UBE2E2: variants seen among roughly 807,000 people sequenced by gnomAD.
UBE2E2 encodes ubiquitin-conjugating enzyme E2 E2.
A neutral mutation model predicts 24.7 loss-of-function variants in UBE2E2; 6 were observed. That is an observed-to-expected ratio of 0.24 (90% CI 0.13 to 0.48). The LOEUF is 0.48. UBE2E2 is among the 20% of genes least tolerant of loss of function. UBE2E2 has a pLI of 0.99. For missense variants in UBE2E2, 169 were observed against 245.0 expected, an observed-to-expected ratio of 0.69 and a Z score of 2.07; for synonymous variants, 104 against 83.6, an observed-to-expected ratio of 1.24 and a Z score of -1.33.
chr3:23,541,610 C>T (rs1227574328), intron 5 of UBE2E2, among the ~76,000 whole-genome samples: 1 of 152,330 alleles, frequency 6.6e-6, no homozygotes, highest in African/African-American at 2.4e-5. Flanking sequence ...GAAGAACTTT[C>T]TGCTTAAGAG....
intron 5 of UBE2E2, among the ~76,000 whole-genome samples, chr3:23,558,704 T>C (rs1396472606): frequency 6.6e-6 from 1 of 152,180 alleles, no homozygotes; most frequent in Non-Finnish European, 1.5e-5. Context: ...ATATTGCCCA[T>C]CCAGGATGAG....
At chr3:23,260,707 A>C (rs1697871565) in intron 3 of UBE2E2, among the ~76,000 whole-genome samples, 1 of 152,112 alleles carries the variant, frequency 6.6e-6, no homozygotes, top group Non-Finnish European at 1.5e-5. Context: ...GCTACTTCAG[A>C]GACTGAGCCT....
At chr3:23,388,916 C>G (rs1221256846) in intron 3 of UBE2E2, among the ~76,000 whole-genome samples, 1 of 150,642 alleles carries the variant, frequency 6.6e-6, no homozygotes, top group East Asian at 2.0e-4. Flanking sequence ...GCAGGAGAAT[C>G]ACTTGAACCT....
intron 3 of UBE2E2, among the ~76,000 whole-genome samples, chr3:23,488,643 T>C (rs1416677447): frequency 1.3e-5 from 2 of 152,214 alleles, no homozygotes; most frequent in Non-Finnish European, 2.9e-5. Context: ...TTTTTGAGAA[T>C]TGAAAATTTT....
At chr3:23,546,358 C>T (rs1216919884) in intron 5 of UBE2E2, among the ~76,000 whole-genome samples, 1 of 149,778 alleles carries the variant, frequency 6.7e-6, no homozygotes, top group Non-Finnish European at 1.5e-5. Flanking sequence ...AAACATCATT[C>T]TTTACTCACA....
At chr3:23,576,909 A>C (rs2125516053) in intron 5 of UBE2E2, among the ~76,000 whole-genome samples, 1 of 147,338 alleles carries the variant, frequency 6.8e-6, no homozygotes, top group East Asian at 2.0e-4. Flanking sequence ...TTTCACATAT[A>C]CTGTTGTTAT....
At chr3:23,348,494 G>A (rs2125316902) in intron 3 of UBE2E2, among the ~76,000 whole-genome samples, 1 of 152,124 alleles carries the variant, frequency 6.6e-6, no homozygotes, top group Admixed American at 6.5e-5. Context: ...ACATTCAAGT[G>A]GTTAAAGGAT....
At chr3:23,335,767 C>G (rs185973660) in intron 3 of UBE2E2, among the ~76,000 whole-genome samples, 26 of 152,250 alleles carry the variant, frequency 1.7e-4, no homozygotes, top group Non-Finnish European at 2.9e-4. Flanking sequence ...CTCCTGTGCT[C>G]AAGAGATTCT....
chr3:23,325,212 T>C (rs1694850236), intron 3 of UBE2E2, among the ~76,000 whole-genome samples: 1 of 152,182 alleles, frequency 6.6e-6, no homozygotes, highest in Non-Finnish European at 1.5e-5. Flanking sequence ...ACAATAAAGC[T>C]ATTGTGTGTT....
chr3:23,276,131 A>T (rs1698370832), intron 3 of UBE2E2, among the ~76,000 whole-genome samples: 1 of 152,120 alleles, frequency 6.6e-6, no homozygotes, highest in Non-Finnish European at 1.5e-5. Context: ...TCTGGCATGT[A>T]CACAGATTGG....
At chr3:23,369,283 T>C (rs1696337736) in intron 3 of UBE2E2, among the ~76,000 whole-genome samples, 1 of 152,216 alleles carries the variant, frequency 6.6e-6, no homozygotes, top group Non-Finnish European at 1.5e-5. Context: ...TCTTGAATAG[T>C]AACTCCTGAG....
In UBE2E2 at chr3:23,300,122, C is replaced by T. The variant is rs1016924690; in HGVS notation, c.227+82810C>T. On this transcript the variant is annotated intron_variant, in intron 3 of 5. Transcript: ENST00000396703. The stretch of plus-strand genomic sequence containing the variant: ...GGATTGCAACCCCTGCCTTTTTTGT[C>T]TTCCATTTGCTTGGTAGATCTTCCT... 2.5e-3 allele frequency among the ~76,000 whole-genome samples: 381 copies of T among 151,964 alleles called. 2 individuals are homozygous for T. The highest frequency in any genetic ancestry group is 8.6e-3 in the African/African-American group (358 of 41,492).
chr3:23,564,400 A>G (rs1000003595), intron 5 of UBE2E2, among the ~76,000 whole-genome samples: 2 of 152,182 alleles, frequency 1.3e-5, no homozygotes, highest in Non-Finnish European at 2.9e-5. Context: ...TGCTATAAAA[A>G]GAACTATTTT....
chr3:23,204,300 A>T (rs1442038875), intron 1 of UBE2E2, among the ~76,000 whole-genome samples: 1 of 152,064 alleles, frequency 6.6e-6, no homozygotes, highest in Non-Finnish European at 1.5e-5. Flanking sequence ...AAGGAAATTA[A>T]GGCTGCTTTA....
chr3:23,505,091 T>G (rs1384366979), intron 4 of UBE2E2, among the ~76,000 whole-genome samples: 2 of 136,994 alleles, frequency 1.5e-5, no homozygotes, highest in East Asian at 2.1e-4. Flanking sequence ...TTTTTTTTTG[T>G]TTTTTTTTTT....
intron 3 of UBE2E2, among the ~76,000 whole-genome samples, chr3:23,241,575 G>T (rs1284427140): frequency 6.6e-6 from 1 of 151,622 alleles, no homozygotes; most frequent in East Asian, 1.9e-4. Context: ...CTCTGCACTG[G>T]CTATTTCCTC....
intron 3 of UBE2E2, among the ~76,000 whole-genome samples, chr3:23,389,166 T>C: frequency 6.6e-6 from 1 of 152,132 alleles, no homozygotes; most frequent in East Asian, 1.9e-4. Flanking sequence ...ATAATCTATG[T>C]TTTTTTGTCA....
At chr3:23,502,844 A>T (rs966517117) in intron 4 of UBE2E2, among the ~76,000 whole-genome samples, 1 of 152,142 alleles carries the variant, frequency 6.6e-6, no homozygotes, top group Non-Finnish European at 1.5e-5. Context: ...CTATAGCACA[A>T]TTTTACTATT....
chr3:23,349,794 C>A, intron 3 of UBE2E2, among the ~76,000 whole-genome samples: 1 of 152,212 alleles, frequency 6.6e-6, no homozygotes, highest in Non-Finnish European at 1.5e-5. Flanking sequence ...TAGGCTCCAC[C>A]CCTGGGGGCA....
Sources: gnomAD v4.1 joint callset for allele counts (sites outside exome capture counted in the v4.1 genomes callset) on GRCh38, gnomAD v4.1.1 for gene constraint, MANE v1.5 for transcripts, NCBI Gene and HGNC (gene_info 2026-07-23, HGNC 2026-07-21) for gene names.